Variants in DNAJC15 observed in about 807,000 individuals in gnomAD.
DNAJC15 encodes the protein dnaJ homolog subfamily C member 15.
Under a neutral mutation model 22.4 loss-of-function variants are expected in DNAJC15, and 27 were observed. The ratio of observed to expected loss-of-function variants is 1.20; its 90% CI spans 0.89 to 1.66. DNAJC15 has a LOEUF of 1.66. DNAJC15 is among the 40% of genes most tolerant of loss of function. The pLI, the probability that DNAJC15 is intolerant of heterozygous loss-of-function variation, is 0.00. For missense variants in DNAJC15, 208 were observed against 187.1 expected (o/e 1.11, Z -0.65); for synonymous variants, 79 against 63.2 (o/e 1.25, Z -1.19).
At chr13:43,025,901 C>T (rs2040378637) in intron 1 of DNAJC15, among the ~76,000 whole-genome samples, 1 of 151,626 alleles carries the variant, frequency 6.6e-6, no homozygotes, top group Non-Finnish European at 1.5e-5. Context: ...GAGACTTTGT[C>T]TCAAAAAAAA....
At chr13:43,083,335 T>C (rs2040672577) in intron 4 of DNAJC15, among the ~76,000 whole-genome samples, 1 of 151,982 alleles carries the variant, frequency 6.6e-6, no homozygotes, top group Admixed American at 6.6e-5. Flanking sequence ...GCCTGGCTAA[T>C]TTTTTGTAGT....
At chr13:43,084,569 A>G (rs1359079713) in intron 4 of DNAJC15, among the ~76,000 whole-genome samples, 1 of 152,230 alleles carries the variant, frequency 6.6e-6, no homozygotes, top group Non-Finnish European at 1.5e-5. Flanking sequence ...CTGTGCTTTA[A>G]GTCAACTATT....
At chr13:43,098,314 A>G (rs1482368675) in intron 5 of DNAJC15, among the ~76,000 whole-genome samples, 1 of 152,202 alleles carries the variant, frequency 6.6e-6, no homozygotes, top group African/African-American at 2.4e-5. Context: ...GGTACTTTCT[A>G]GGCACTGAAG....
At position 43,024,893 on chromosome 13, in the gene DNAJC15, T is replaced by TAAAAAAAAAAAAAAAAAAAAAAAAAA. The variant is rs34398144; in HGVS notation, c.108+1177_108+1178insAAAAAAAAAAAAAAAAAAAAAAAAAA. ...GCAACACAGGAGACCCCATCTCTGC[T>TAAAAAAAAAAAAAAAAAAAAAAAAAA]AAAAAAAAAAAAAAAAAATTAGCTG... On this transcript the variant is annotated intron_variant, in intron 1 of 5. Transcript: ENST00000379221. 6.3e-4 allele frequency among the ~76,000 whole-genome samples: 54 copies of TAAAAAAAAAAAAAAAAAAAAAAAAAA among 85,948 alleles called. 2 individuals carry two copies. Among genetic ancestry groups the TAAAAAAAAAAAAAAAAAAAAAAAAAA allele is most frequent in the South Asian group, 1.9e-3 (4 of 2,132 alleles). 56.4% of individuals were successfully genotyped at this position (85,948 alleles called of 152,430 possible).
At chr13:43,091,837 G>T (rs568976814) in intron 5 of DNAJC15, among the ~76,000 whole-genome samples, 1 of 152,104 alleles carries the variant, frequency 6.6e-6, no homozygotes, top group Non-Finnish European at 1.5e-5. Context: ...ACAATAGAGG[G>T]TTTTGTAGTT....
intron 1 of DNAJC15, among the ~76,000 whole-genome samples, chr13:43,059,764 G>A (rs533768463): frequency 4.7e-4 from 71 of 152,336 alleles, no homozygotes; most frequent in African/African-American, 1.6e-3. Flanking sequence ...GGCTGAGTCC[G>A]AAAAGAGAGT....
intron 5 of DNAJC15, among the ~76,000 whole-genome samples, chr13:43,105,129 A>G (rs1002486853): frequency 6.6e-6 from 1 of 151,842 alleles, no homozygotes; most frequent in Admixed American, 6.6e-5. Flanking sequence ...TGAAGGAGCA[A>G]GTTCTACACT....
intron 5 of DNAJC15, among the ~76,000 whole-genome samples, chr13:43,095,078 C>A (rs1260804928): frequency 6.6e-6 from 1 of 152,102 alleles, no homozygotes; most frequent in African/African-American, 2.4e-5. Flanking sequence ...ATCTAACACA[C>A]TACTCCATCA....
chr13:43,039,516 G>A (rs369956912), intron 1 of DNAJC15, among the ~76,000 whole-genome samples: 6 of 152,090 alleles, frequency 3.9e-5, no homozygotes, highest in Non-Finnish European at 5.9e-5. Context: ...GGAGTCTCAG[G>A]GGGTGGAGAC....
At chr13:43,066,676 G>A (rs1256133022) in intron 2 of DNAJC15, among the ~76,000 whole-genome samples, 1 of 152,176 alleles carries the variant, frequency 6.6e-6, no homozygotes, top group Non-Finnish European at 1.5e-5. Flanking sequence ...AGGCTGGAGT[G>A]CAGTGGGGCG....
chr13:43,079,156 A>G (rs1201746177), intron 4 of DNAJC15, among the ~76,000 whole-genome samples: 1 of 152,166 alleles, frequency 6.6e-6, no homozygotes, highest in Non-Finnish European at 1.5e-5. Context: ...GAGAAAATTA[A>G]TGATATTATA....
chr13:43,058,242 G>T (rs2040540917), intron 1 of DNAJC15, among the ~76,000 whole-genome samples: 1 of 152,204 alleles, frequency 6.6e-6, no homozygotes, highest in Admixed American at 6.5e-5. Flanking sequence ...TTTCAAGAGA[G>T]CATCAGCTGC....
intron 1 of DNAJC15, among the ~76,000 whole-genome samples, chr13:43,050,003 C>T (rs980478820): frequency 2.4e-4 from 37 of 152,186 alleles, no homozygotes; most frequent in Non-Finnish European, 3.8e-4. Flanking sequence ...ACTGCAACTT[C>T]CACTTCCCAG....
At chr13:43,084,306 G>A (rs1379620542) in intron 4 of DNAJC15, among the ~76,000 whole-genome samples, 1 of 152,106 alleles carries the variant, frequency 6.6e-6, no homozygotes, top group Non-Finnish European at 1.5e-5. Context: ...ATGTGTGCTA[G>A]GTTATGTTAA....
chr13:43,054,094 G>A (rs2040518385), intron 1 of DNAJC15, among the ~76,000 whole-genome samples: 1 of 152,226 alleles, frequency 6.6e-6, no homozygotes, highest in African/African-American at 2.4e-5. Flanking sequence ...TCCTGATTTT[G>A]CTGAGAGTTT....
intron 1 of DNAJC15, among the ~76,000 whole-genome samples, chr13:43,034,305 C>CTTT (rs753362468): frequency 0.037 from 2,269 of 60,628 alleles, 612 homozygotes; most frequent in African/African-American, 0.05. Flanking sequence ...GAGATTTGTC[C>CTTT]TTTTTTTTTT....
chr13:43,049,115 A>G (rs1435966638), intron 1 of DNAJC15, among the ~76,000 whole-genome samples: 3 of 152,134 alleles, frequency 2.0e-5, no homozygotes, highest in Non-Finnish European at 4.4e-5. Context: ...TTTTATTTTC[A>G]TATCCCAATT....
intron 1 of DNAJC15, among the ~76,000 whole-genome samples, chr13:43,037,125 C>A (rs1194833269): frequency 1.3e-5 from 2 of 152,216 alleles, no homozygotes; most frequent in African/African-American, 4.8e-5. Context: ...CGCTCTGCAG[C>A]CAACATCCTT....
At position 43,112,190 on chromosome 13, in the gene DNAJC15, G is replaced by T. The variant is rs890300194; in HGVS notation, c.*4942G>T. ...GAATTTATAAAAAGCTCTTTCTTTT[G>T]TATTAAAAACCCTGCTCAATTGAAA... On this transcript the variant is annotated 3_prime_UTR_variant, in exon 6 of 6. Transcript: ENST00000379221. 6.6e-6 allele frequency: 1 copy of T among 152,066 alleles called. No individual in the cohort carries two copies. Among genetic ancestry groups the T allele is most frequent in the Non-Finnish European group, 1.5e-5 (1 of 68,000 alleles). The allele number at this position is 152,066 out of a possible 1,614,324, so 9.4% of individuals were successfully genotyped here. A position where few individuals can be genotyped will look rare whatever the true frequency, so the allele number is the denominator to read the frequency against.
Sources: gnomAD v4.1 joint callset for allele counts (sites outside exome capture counted in the v4.1 genomes callset) on GRCh38, gnomAD v4.1.1 for gene constraint, MANE v1.5 for transcripts, NCBI Gene and HGNC (gene_info 2026-07-23, HGNC 2026-07-21) for gene names.